Variants in PUM2 observed in about 807,000 individuals in gnomAD.
PUM2 encodes pumilio RNA binding family member 2.
Under a neutral mutation model 124.5 loss-of-function variants are expected in PUM2, and 57 were observed. That is an observed-to-expected ratio of 0.46 (90% CI 0.37 to 0.57). The LOEUF (loss-of-function observed/expected upper bound fraction) is 0.57, where lower values mean the gene tolerates loss of function less well. Among genes scored for constraint, PUM2 ranks in the 20% least tolerant of loss-of-function variants. The probability of loss-of-function intolerance (pLI) is 0.00; values close to 1 mark genes in which losing one functional copy is unlikely to be tolerated. For missense variants in PUM2, 1,065 were observed against 1,290.6 expected, an observed-to-expected ratio of 0.83 and a Z score of 2.68; for synonymous variants, 460 against 446.1, an observed-to-expected ratio of 1.03 and a Z score of -0.39.
chr2:20,337,105 T>A (rs781683195), intron 1 of PUM2, among the ~76,000 whole-genome samples: 16 of 152,084 alleles, frequency 1.1e-4, no homozygotes, highest in Admixed American at 3.3e-4. Context: ...AATACATATT[T>A]ATGACATAAA....
In PUM2 at chr2:20,297,547, T is replaced by C. The variant is rs200142273; in HGVS notation, c.1009+6A>G. ...CCATAATAAAGATGAACAAATAGTA[T>C]GTTACCTGCTAATGTAGCTGCTGCA... is the stretch of plus-strand genomic sequence containing the variant. On this transcript the variant is annotated splice_donor_region_variant and intron_variant, in intron 8 of 20. Transcript: ENST00000361078. The C allele has an allele frequency of 2.3e-5, 36 of 1,592,910 alleles. No individual in the cohort carries two copies. In the African/African-American group the frequency reaches 4.0e-4, roughly 18 times the overall value.
chr2:20,331,947 A>G (rs914469019), intron 1 of PUM2: 1 of 152,228 alleles, frequency 6.6e-6, no homozygotes, highest in Admixed American at 6.5e-5. Context: ...CCTATAGACA[A>G]TACCAAAATG....
At chr2:20,295,132 C>T (rs1030408298) in intron 8 of PUM2, among the ~76,000 whole-genome samples, 8 of 152,134 alleles carry the variant, frequency 5.3e-5, no homozygotes, top group African/African-American at 1.9e-4. Context: ...CAAGAAAGCA[C>T]TAGATAATAT....
At chr2:20,267,026 C>CTTTT (rs373222999) in intron 13 of PUM2, among the ~76,000 whole-genome samples, 6 of 142,812 alleles carry the variant, frequency 4.2e-5, no homozygotes, top group African/African-American at 7.7e-5. Context: ...ATGCCTGTAA[C>CTTTT]TTTTTTTTTT....
At chr2:20,283,857 G>A (rs1000187542) in intron 10 of PUM2, among the ~76,000 whole-genome samples, 25 of 152,234 alleles carry the variant, frequency 1.6e-4, no homozygotes, top group African/African-American at 6.0e-4. Context: ...AACACTGTAC[G>A]AAATGTTTAC....
At chr2:20,257,607 T>C (rs1665124159) in intron 16 of PUM2, among the ~76,000 whole-genome samples, 1 of 152,200 alleles carries the variant, frequency 6.6e-6, no homozygotes, top group African/African-American at 2.4e-5. Context: ...TTTAAAAATC[T>C]GGTGGATCAG....
intron 2 of PUM2, among the ~76,000 whole-genome samples, chr2:20,323,688 GA>G (rs1309890571): frequency 6.6e-6 from 1 of 151,900 alleles, no homozygotes; most frequent in Non-Finnish European, 1.5e-5. Flanking sequence ...CACTACTTAG[GA>G]AGAACAGTTT....
At chr2:20,271,137 A>AT (rs1220424768) in intron 13 of PUM2, among the ~76,000 whole-genome samples, 3 of 152,158 alleles carry the variant, frequency 2.0e-5, no homozygotes, top group Non-Finnish European at 4.4e-5. Flanking sequence ...TCAATATTGT[A>AT]TTGAACACAG....
intron 1 of PUM2, among the ~76,000 whole-genome samples, chr2:20,346,669 T>C (rs186054433): frequency 2.0e-5 from 3 of 152,216 alleles, no homozygotes; most frequent in African/African-American, 2.4e-5. Flanking sequence ...TCAAACCAGG[T>C]TTCCTCCATT....
At chr2:20,292,990 T>C (rs1213777553) in intron 9 of PUM2, among the ~76,000 whole-genome samples, 2 of 152,156 alleles carry the variant, frequency 1.3e-5, no homozygotes. Flanking sequence ...TACGGAAAGA[T>C]TCGGCAAATA....
intron 20 of PUM2, among the ~76,000 whole-genome samples, chr2:20,252,142 A>T (rs972082506): frequency 6.6e-6 from 1 of 152,238 alleles, no homozygotes; most frequent in Non-Finnish European, 1.5e-5. Flanking sequence ...ATAAGATTGC[A>T]ATTTTTTATA....
intron 13 of PUM2, among the ~76,000 whole-genome samples, chr2:20,272,341 T>A (rs1054198977): frequency 1.3e-5 from 2 of 152,224 alleles, no homozygotes; most frequent in African/African-American, 4.8e-5. Flanking sequence ...AGCGTGTTTG[T>A]GTGCATATGT....
At chr2:20,318,667 G>A (rs1165025360) in intron 2 of PUM2, 22 bp from the exon 3 acceptor site, 1 of 1,516,150 alleles carries the variant, frequency 6.6e-7, no homozygotes, top group South Asian at 1.1e-5. Context: ...AAAAATTACA[G>A]TTAAATTTTA....
At position 20,278,608 on chromosome 2, in the gene PUM2, A is replaced by C; in HGVS notation, c.1932T>G (p.His644Gln). ...CTAAATGCAAACTGGATGAGGATCC[A>C]TGTGATGAAAGTGATGGCGGTGGCG... ...SLTPPPSLSS[H>Q]GSSSSLHLGG... Residue 644 changes from histidine to glutamine, a missense_variant, in exon 13 of 21, where the codon CAT becomes CAG. Transcript: ENST00000361078. 6.2e-7 allele frequency: 1 copy of C among 1,612,798 alleles called. No homozygotes were observed. The highest frequency in any genetic ancestry group is 8.5e-7 in the Non-Finnish European group (1 of 1,179,016).
chr2:20,343,353 C>T (rs536233045), intron 1 of PUM2, among the ~76,000 whole-genome samples: 1 of 152,052 alleles, frequency 6.6e-6, no homozygotes, highest in East Asian at 1.9e-4. Flanking sequence ...ATGTTCACAC[C>T]ACTCCACTCC....
intron 17 of PUM2, 112 bp downstream of exon 17, chr2:20,255,921 T>C (rs1664659592): frequency 2.7e-6 from 3 of 1,101,204 alleles, no homozygotes; most frequent in African/African-American, 3.3e-5. Context: ...TTGTATCCTA[T>C]TTTTGTATAC....
intron 9 of PUM2, among the ~76,000 whole-genome samples, chr2:20,293,372 AG>A (rs1674700311): frequency 6.6e-6 from 1 of 152,262 alleles, no homozygotes; most frequent in African/African-American, 2.4e-5. Flanking sequence ...ATGATGTCAA[AG>A]GACTGAGCCA....
At chr2:20,278,380 G>A (rs1670733234) in intron 13 of PUM2, among the ~76,000 whole-genome samples, 1 of 151,854 alleles carries the variant, frequency 6.6e-6, no homozygotes, top group Non-Finnish European at 1.5e-5. Flanking sequence ...GAAACAATAG[G>A]GGGGTCTTTA....
intron 3 of PUM2, among the ~76,000 whole-genome samples, chr2:20,313,924 C>T (rs555460223): frequency 6.6e-6 from 1 of 150,678 alleles, no homozygotes; most frequent in South Asian, 2.1e-4. Flanking sequence ...GGGTGGACTG[C>T]TTGACCTCAG....
Sources: allele counts gnomAD v4.1 joint callset (sites outside exome capture counted in the v4.1 genomes callset), GRCh38; gene constraint gnomAD v4.1.1; transcripts MANE v1.5; gene names NCBI Gene and HGNC (gene_info 2026-07-23, HGNC 2026-07-21).